The following C12orf54 variants were observed in gnomAD, a reference collection of about 807,000 sequenced individuals.
The protein encoded by C12orf54 is chromosome 12 open reading frame 54.
In C12orf54, 24 loss-of-function variants were observed where a neutral mutation model predicts 26.4. The ratio of observed to expected loss-of-function variants is 0.91; its 90% confidence interval spans 0.66 to 1.28. The LOEUF (loss-of-function observed/expected upper bound fraction) is 1.28. Ranked by LOEUF, C12orf54 falls within the 50% of genes most tolerant of loss-of-function variation. The pLI, the probability that C12orf54 is intolerant of heterozygous loss-of-function variation, is 0.00. For missense variants in C12orf54, 154 were observed against 150.9 expected (o/e 1.02, Z -0.11); for synonymous variants, 54 against 47.0 (o/e 1.15, Z -0.61).
At chr12:48,472,746 C>G in the C12orf54 span, 1 of 1,614,148 alleles carries the variant, frequency 6.2e-7, no homozygotes, top group African/African-American at 1.3e-5. Context: ...GGACAACAGT[C>G]AGTCAAATGA....
chr12:48,472,678 A>G, the C12orf54 span: 15 of 1,614,038 alleles, frequency 9.3e-6, no homozygotes, highest in Non-Finnish European at 1.3e-5. Flanking sequence ...GAGATGGGCA[A>G]ATGGATTCAT....
the C12orf54 span, among the ~76,000 whole-genome samples, chr12:48,432,936 T>G: frequency 6.6e-6 from 1 of 151,376 alleles, no homozygotes; most frequent in East Asian, 1.9e-4. Flanking sequence ...AATGTAATGT[T>G]AAAATCCAAT....
At chr12:48,469,826 G>A in the C12orf54 span, among the ~76,000 whole-genome samples, 1 of 152,030 alleles carries the variant, frequency 6.6e-6, no homozygotes, top group Non-Finnish European at 1.5e-5. Flanking sequence ...TCTGTTTGGG[G>A]TCCCTGACTT....
intron 7 of C12orf54, 114 bp from the exon 8 acceptor site, chr12:48,494,684 C>A: frequency 8.7e-7 from 1 of 1,150,332 alleles, no homozygotes. Flanking sequence ...CTGAGATGCC[C>A]ATTCTTGGGG....
At chr12:48,470,581 C>A in the C12orf54 span, among the ~76,000 whole-genome samples, 3 of 152,044 alleles carry the variant, frequency 2.0e-5, no homozygotes, top group Non-Finnish European at 4.4e-5. Flanking sequence ...TTGTCAGATG[C>A]ATAGTTTGCA....
At chr12:48,462,261 C>A in the C12orf54 span, among the ~76,000 whole-genome samples, 1 of 151,522 alleles carries the variant, frequency 6.6e-6, no homozygotes, top group Non-Finnish European at 1.5e-5. Flanking sequence ...CTAGTTAAAA[C>A]CTTTCTATAA....
chr12:48,434,209 T>C, the C12orf54 span, among the ~76,000 whole-genome samples: 1 of 152,150 alleles, frequency 6.6e-6, no homozygotes, highest in Non-Finnish European at 1.5e-5. Flanking sequence ...GCAGCGAGGC[T>C]GGGGGAGGGG....
chr12:48,427,659 C>T, the C12orf54 span, among the ~76,000 whole-genome samples: 2 of 152,034 alleles, frequency 1.3e-5, no homozygotes, highest in Non-Finnish European at 2.9e-5. Context: ...AACACGGGAG[C>T]TCCCAAATTT....
chr12:48,439,797 A>G, the C12orf54 span, among the ~76,000 whole-genome samples: 1 of 152,214 alleles, frequency 6.6e-6, no homozygotes, highest in East Asian at 1.9e-4. Flanking sequence ...ACCTAATGCT[A>G]AATGATGAGG....
the C12orf54 span, among the ~76,000 whole-genome samples, chr12:48,453,463 C>G: frequency 6.7e-6 from 1 of 149,710 alleles, no homozygotes. Context: ...ATGCAACAAA[C>G]CTGCACATCC....
At chr12:48,485,270 T>C (rs1244140657) in intron 2 of C12orf54, among the ~76,000 whole-genome samples, 2 of 145,244 alleles carry the variant, frequency 1.4e-5, no homozygotes, top group Non-Finnish European at 3.0e-5. Flanking sequence ...TCTGCTGTTT[T>C]GTTTGTTGTT....
chr12:48,454,645 CATAAA>C, the C12orf54 span, among the ~76,000 whole-genome samples: 2 of 152,106 alleles, frequency 1.3e-5, no homozygotes, highest in African/African-American at 4.8e-5. Context: ...AGTTATGCAG[CATAAA>C]ATAAGTGTTA....
At chr12:48,476,803 G>T in the C12orf54 span, among the ~76,000 whole-genome samples, 1 of 152,034 alleles carries the variant, frequency 6.6e-6, no homozygotes, top group African/African-American at 2.4e-5. Context: ...AATGGGAGAT[G>T]GTAACACCCC....
At chr12:48,432,422 A>G in the C12orf54 span, among the ~76,000 whole-genome samples, 5 of 152,220 alleles carry the variant, frequency 3.3e-5, no homozygotes, top group Non-Finnish European at 5.9e-5. Context: ...AACACAAACA[A>G]AAAAGAACTC....
Position 48,486,544 on chromosome 12 carries a change from T to C in C12orf54, c.97-144T>C, listed in dbSNP as rs952335082. On this transcript the variant is annotated intron_variant, in intron 3 of 8. Transcript: ENST00000548364. The stretch of plus-strand genomic sequence containing the variant: ...GATTCACCAGGGCTGCAGGAGACTT[T>C]TGGCTGCCTGAGAAATGGGGTGATT... 4.9e-6 allele frequency: 4 copies of C among 822,688 alleles called. No individual in the cohort carries two copies. The Admixed American group carries it at 9.2e-5, about 19-fold the overall frequency. 51.0% of individuals were successfully genotyped at this position (822,688 alleles called of 1,614,324 possible). A position where few individuals can be genotyped will look rare whatever the true frequency, so the allele number is the denominator to read the frequency against.
chr12:48,481,199 A>G (rs989592986), upstream of C12orf54, among the ~76,000 whole-genome samples: 4 of 105,506 alleles, frequency 3.8e-5, no homozygotes, highest in Non-Finnish European at 5.2e-5. Flanking sequence ...ATAAAAATAG[A>G]GTTTTTTTTT....
In C12orf54 at chr12:48,494,937, T is replaced by C. The variant is rs200203431; in HGVS notation, c.382T>C (p.Ter128GlnextTer77). 1.9e-6 allele frequency: 3 copies of C among 1,612,850 alleles called. No homozygotes were observed. The highest frequency in any genetic ancestry group is 2.5e-6 in the Non-Finnish European group (3 of 1,178,986). The change falls in exon 8 of 9, where the codon TAA becomes CAA. Residue 128 changes from the stop codon to glutamine, a stop_lost. Transcript: ENST00000548364. ...TCAATCAGCTTACTACCCTGGACCC[T>C]AACTCTACAATCAAGGAAGAAGGAC... is the stretch of plus-strand genomic sequence containing the variant. ...FSQSAYYPGP[*>Q]
chr12:48,461,877 T>C, the C12orf54 span, among the ~76,000 whole-genome samples: 1 of 151,566 alleles, frequency 6.6e-6, no homozygotes, highest in South Asian at 2.1e-4. Context: ...AAATAATAAA[T>C]ATAAAAATTA....
At chr12:48,474,037 C>T in the C12orf54 span, among the ~76,000 whole-genome samples, 1 of 152,038 alleles carries the variant, frequency 6.6e-6, no homozygotes, top group Admixed American at 6.6e-5. Flanking sequence ...AGCTTAAGAG[C>T]CAGAGAGCTG....
Sources: allele counts gnomAD v4.1 joint callset (sites outside exome capture counted in the v4.1 genomes callset), GRCh38; gene constraint gnomAD v4.1.1; transcripts MANE v1.5; gene names NCBI Gene and HGNC (gene_info 2026-07-23, HGNC 2026-07-21).